The following BLOC1S2 variants were observed in gnomAD, a reference collection of about 807,000 sequenced individuals.
BLOC1S2 encodes biogenesis of lysosome-related organelles complex 1 subunit 2.
Under a neutral mutation model 19.6 loss-of-function variants are expected in BLOC1S2, and 12 were observed. That is an observed-to-expected ratio of 0.61 (90% CI 0.39 to 0.99). The LOEUF (loss-of-function observed/expected upper bound fraction) is 0.99, where lower values mean the gene tolerates loss of function less well. Among genes scored for constraint, BLOC1S2 ranks in the 50% least tolerant of loss-of-function variants. The probability of loss-of-function intolerance (pLI) is 0.00; values close to 1 mark genes in which losing one functional copy is unlikely to be tolerated. For missense variants in BLOC1S2, 142 were observed against 171.0 expected (o/e 0.83, Z 0.95); for synonymous variants, 66 against 64.1 (o/e 1.03, Z -0.14).
intron 2 of BLOC1S2, among the ~76,000 whole-genome samples, chr10:100,283,100 A>T (rs1848149685): frequency 6.6e-6 from 1 of 152,168 alleles, no homozygotes. Context: ...CACACTAAAC[A>T]TGGTTCCTCT....
intron 4 of BLOC1S2, among the ~76,000 whole-genome samples, chr10:100,277,526 TGGCCAGCTGTC>T (rs1847936639): frequency 1.7e-5 from 1 of 60,016 alleles, no homozygotes; most frequent in Non-Finnish European, 3.4e-5. Flanking sequence ...GCCCCCCGCC[TGGCCAGCTGTC>T]CCGTCCGGGA....
Position 100,286,233 on chromosome 10 carries a change from C to CTAAG in BLOC1S2, c.56-24_56-21dup. The CTAAG allele has an allele frequency of 6.2e-7, 1 of 1,612,046 alleles. No homozygotes were observed. Among genetic ancestry groups the CTAAG allele is most frequent in the Non-Finnish European group, 8.5e-7 (1 of 1,178,934 alleles). ...CATCGTCTGGGCCAAGGGAGAATGA[C>CTAAG]TAAGTGTCCCGCCTACACCCGGTGC... On this transcript the variant is annotated intron_variant, in intron 1 of 4. Coordinates refer to ENST00000370372, the MANE Select transcript of BLOC1S2 (RefSeq NM_173809.5).
rs1281344967 is a variant in BLOC1S2, at chr10:100,274,391, G to A, written c.*1071C>T. ...TTAAGATTGCTCTGGCAGCAGTGTG[G>A]AGGGTGGTTGGAAGGGACAGTTAAG... is the stretch of plus-strand genomic sequence containing the variant. On this transcript the variant is annotated 3_prime_UTR_variant, in exon 5 of 5. Transcript: ENST00000370372. 1 of 152,602 alleles carries A rather than the reference G, an allele frequency of 6.6e-6. No homozygotes were observed. Among genetic ancestry groups the A allele is most frequent in the East Asian group, 1.9e-4 (1 of 5,200 alleles). The allele number at this position is 152,602 out of a possible 1,614,324, so 9.5% of individuals were successfully genotyped here. A position where few individuals can be genotyped will look rare whatever the true frequency, so the allele number is the denominator to read the frequency against.
intron 4 of BLOC1S2, among the ~76,000 whole-genome samples, chr10:100,277,964 G>A (rs1239062909): frequency 7.5e-5 from 8 of 107,236 alleles, no homozygotes; most frequent in African/African-American, 2.8e-4. Flanking sequence ...ACTGGGAAGT[G>A]AGGAGCCCCT....
At chr10:100,285,514 G>A (rs370498102) in intron 2 of BLOC1S2, among the ~76,000 whole-genome samples, 2 of 152,176 alleles carry the variant, frequency 1.3e-5, no homozygotes, top group Admixed American at 6.5e-5. Flanking sequence ...CACCAGCCTC[G>A]GCCTCTGGGA....
intron 1 of BLOC1S2, 117 bp downstream of exon 1, chr10:100,286,488 G>A (rs1473517196): frequency 6.6e-7 from 1 of 1,512,986 alleles, no homozygotes; most frequent in African/African-American, 1.4e-5. Flanking sequence ...AGCGACAAGT[G>A]CACTCCTCTC....
rs144731392 is a variant in BLOC1S2 at position 100,286,116 on chromosome 10, G to C, written c.153C>G (p.Tyr51Ter). The C allele has an allele frequency of 1.4e-5, 23 of 1,613,910 alleles. No individual in the cohort carries two copies. The highest frequency in any genetic ancestry group is 4.2e-6 in the Non-Finnish European group (5 of 1,179,976). ...CRDMFSKMATYLTGELTATSE... is the reference protein window; with the variant it reads ...CRDMFSKMAT ...CCTCACCCGTCAGTTCCCCAGTCAGGTAAGTGGCCATTTTGGAGAACATGT... is the reference window on the plus strand; with the variant it reads ...CCTCACCCGTCAGTTCCCCAGTCAGCTAAGTGGCCATTTTGGAGAACATGT... The change falls in exon 2 of 5, where the codon TAC becomes TAG. Residue 51 changes from tyrosine to a stop codon, truncating the protein, a stop_gained. Transcript: ENST00000370372. LOFTEE classifies it high-confidence loss of function.
intron 4 of BLOC1S2, among the ~76,000 whole-genome samples, chr10:100,279,789 C>T (rs1157824673): frequency 1.3e-5 from 2 of 152,060 alleles, no homozygotes; most frequent in African/African-American, 2.4e-5. Flanking sequence ...GCAGGAGAAT[C>T]GCTTGAACCC....
At chr10:100,277,227 T>C (rs2862956) in intron 4 of BLOC1S2, among the ~76,000 whole-genome samples, 73,461 of 127,380 alleles carry the variant, frequency 0.58, 18,487 homozygotes, top group African/African-American at 0.67. Flanking sequence ...CTCCGCCTGG[T>C]AACCGCCCCG....
Position 100,277,068 on chromosome 10 carries a change from T to G in BLOC1S2, c.398-1575A>C, listed in dbSNP as rs1235617714. On this transcript the variant is annotated intron_variant, in intron 4 of 4. Coordinates refer to ENST00000370372, the MANE Select transcript of BLOC1S2 (RefSeq NM_173809.5). ...CACCTGGGAAGTGAGGAGCGCCTCC[T>G]CCCGGCCGCCATCCCATCTAGGAAG... Among the ~76,000 whole-genome samples the G allele has an allele frequency of 1.4e-3, 210 of 146,004 alleles. 1 individual carries two copies. Among genetic ancestry groups the G allele is most frequent in the African/African-American group, 4.9e-3 (191 of 38,788 alleles).
At position 100,286,145 on chromosome 10, in the gene BLOC1S2, G is replaced by A. The variant is rs1476037984; in HGVS notation, c.124C>T (p.Arg42Trp). The A allele has an allele frequency of 6.2e-7, 1 of 1,613,914 alleles. No homozygotes were observed. The highest frequency in any genetic ancestry group is 8.5e-7 in the Non-Finnish European group (1 of 1,179,958). Residue 42 changes from arginine to tryptophan, a missense_variant, in exon 2 of 5, where the codon CGG becomes TGG. Physicochemically the swap from Arg to Trp is moderately radical, Grantham distance 101. Transcript: ENST00000370372. ...GTGGCCATTTTGGAGAACATGTCCC[G>A]GCAGAGCTCAGTGATGTCAGCTTCA... ...PAEADITELC[R>W]DMFSKMATYL...
At position 100,286,330 on chromosome 10, in the gene BLOC1S2, C is replaced by A. The variant is rs115065418; in HGVS notation, c.56-117G>T. 726 of 1,484,060 alleles carry A rather than the reference C, an allele frequency of 4.9e-4. 2 individuals carry two copies. The African/African-American group carries it at 9.4e-3, about 19-fold the overall frequency. 91.9% of individuals were successfully genotyped at this position (1,484,060 alleles called of 1,614,324 possible). ...ATTCCATCAAGTCGGCTCCATTCTCCATCTGCCATAATTTCAAGTCCTTCA... is the reference window on the plus strand; with the variant it reads ...ATTCCATCAAGTCGGCTCCATTCTCAATCTGCCATAATTTCAAGTCCTTCA... On this transcript the variant is annotated intron_variant, in intron 1 of 4. Transcript: ENST00000370372.
At chr10:100,279,437 A>G (rs771346287) in intron 4 of BLOC1S2, among the ~76,000 whole-genome samples, 3 of 152,182 alleles carry the variant, frequency 2.0e-5, no homozygotes, top group Admixed American at 6.5e-5. Context: ...AAATGAGGAT[A>G]AAAATCATGT....
rs1296804661 is a variant in BLOC1S2 at position 100,276,335 on chromosome 10, CG to C, written c.398-843del. On this transcript the variant is annotated intron_variant, in intron 4 of 4. Coordinates refer to ENST00000370372, the MANE Select transcript of BLOC1S2 (RefSeq NM_173809.5). ...CTCTCCCGTCTCCCTCTCTCTCTCC[CG>C]TCTCCCTCTCCCGTCTCCCTCTCCC... Among the ~76,000 whole-genome samples, 95 of 88,510 alleles carry C rather than the reference CG, an allele frequency of 1.1e-3. 13 individuals are homozygous for C. Among genetic ancestry groups the C allele is most frequent in the African/African-American group, 4.0e-3 (82 of 20,644 alleles). 58.1% of individuals were successfully genotyped at this position (88,510 alleles called of 152,430 possible).
chr10:100,279,003 C>T (rs1336987617), intron 4 of BLOC1S2, among the ~76,000 whole-genome samples: 4 of 151,956 alleles, frequency 2.6e-5, no homozygotes, highest in Admixed American at 2.6e-4. Flanking sequence ...AGGAGGATCA[C>T]TAGAGCCCAG....
chr10:100,278,607 GC>G (rs1848011784), intron 4 of BLOC1S2, among the ~76,000 whole-genome samples: 1 of 152,178 alleles, frequency 6.6e-6, no homozygotes, highest in African/African-American at 2.4e-5. Context: ...TGCAAGATGT[GC>G]TTTGTTAAAC....
intron 4 of BLOC1S2, among the ~76,000 whole-genome samples, chr10:100,276,627 G>T (rs1480042623): frequency 7.4e-5 from 11 of 148,278 alleles, no homozygotes; most frequent in African/African-American, 1.0e-4. Flanking sequence ...TCAGCCTGCC[G>T]AGTGCCTGCG....
intron 2 of BLOC1S2, 109 bp from the exon 3 acceptor site, chr10:100,281,162 A>C: frequency 7.7e-7 from 1 of 1,299,286 alleles, no homozygotes; most frequent in Admixed American, 2.2e-5. Flanking sequence ...GAAGTGTCAA[A>C]GGAGTGGGCC....
chr10:100,275,333 T>A lies in BLOC1S2; in HGVS notation c.*129A>T, dbSNP rs954490255. On this transcript the variant is annotated 3_prime_UTR_variant, in exon 5 of 5. Transcript: ENST00000370372. ...CCTCCAGTTTACTCGAACGTTGAGA[T>A]GTTCCTGTGATGACCAGCATAATTT... is the stretch of plus-strand genomic sequence containing the variant. The A allele has an allele frequency of 4.4e-6, 4 of 910,492 alleles. No homozygotes were observed. The highest frequency in any genetic ancestry group is 3.3e-5 in the African/African-American group (2 of 60,156). 56.4% of individuals were successfully genotyped at this position (910,492 alleles called of 1,614,324 possible). A position where few individuals can be genotyped will look rare whatever the true frequency, so the allele number is the denominator to read the frequency against.
Sources: gnomAD v4.1 joint callset for allele counts (sites outside exome capture counted in the v4.1 genomes callset) on GRCh38, gnomAD v4.1.1 for gene constraint, MANE v1.5 for transcripts, NCBI Gene and HGNC (gene_info 2026-07-23, HGNC 2026-07-21) for gene names.